Variants in DISC1 observed in about 807,000 individuals in gnomAD.
The protein encoded by DISC1 is DISC1 scaffold protein, also known as disrupted in schizophrenia 1 protein.
Under a neutral mutation model 84.5 loss-of-function variants are expected in DISC1, and 57 were observed. That is an observed-to-expected ratio of 0.67 (90% CI 0.55 to 0.84). DISC1 has a LOEUF of 0.84. Among genes scored for constraint, DISC1 ranks in the 40% least tolerant of loss-of-function variants. The pLI, the probability that DISC1 is intolerant of heterozygous loss-of-function variation, is 0.00. For synonymous variants in DISC1, 411 were observed against 415.2 expected, an observed-to-expected ratio of 0.99 and a Z score of 0.12; for missense variants, 1,000 against 1,057.8, an observed-to-expected ratio of 0.95 and a Z score of 0.76.
intron 1 of DISC1, among the ~76,000 whole-genome samples, chr1:231,671,981 C>A (rs2062670470): frequency 1.3e-5 from 2 of 152,208 alleles, no homozygotes; most frequent in South Asian, 4.1e-4. Context: ...TCACTTTGCT[C>A]ATTTCAGTGG....
chr1:231,864,821 G>A (rs2084939285), intron 9 of DISC1, among the ~76,000 whole-genome samples: 1 of 152,110 alleles, frequency 6.6e-6, no homozygotes, highest in Admixed American at 6.5e-5. Flanking sequence ...TTTTATTTTT[G>A]TTTTGATATA....
intron 9 of DISC1, among the ~76,000 whole-genome samples, chr1:231,881,729 T>A (rs555138149): frequency 6.6e-6 from 1 of 151,810 alleles, no homozygotes; most frequent in South Asian, 2.1e-4. Flanking sequence ...ATTTCGTGTC[T>A]CATTCTGGAA....
chr1:232,004,861 C>T (rs2102980573), intron 10 of DISC1, among the ~76,000 whole-genome samples: 1 of 109,886 alleles, frequency 9.1e-6, no homozygotes, highest in Admixed American at 7.9e-5. Flanking sequence ...CCCTCCCTCC[C>T]TCCCTGCCTC....
chr1:232,020,299 G>A (rs1446761498), intron 11 of DISC1, among the ~76,000 whole-genome samples: 3 of 152,052 alleles, frequency 2.0e-5, no homozygotes, highest in Non-Finnish European at 4.4e-5. Context: ...CCGAGATCAC[G>A]CCATTGCACT....
intron 10 of DISC1, among the ~76,000 whole-genome samples, chr1:232,002,168 C>T (rs777779029): frequency 1.5e-4 from 23 of 151,940 alleles, no homozygotes; most frequent in South Asian, 1.5e-3. Flanking sequence ...ATTGAAGCTG[C>T]AATGAGATAA....
At chr1:231,803,985 CT>C (rs1282032737) in intron 8 of DISC1, among the ~76,000 whole-genome samples, 2 of 135,548 alleles carry the variant, frequency 1.5e-5, no homozygotes, top group South Asian at 2.6e-4. Context: ...GCCACAGTGT[CT>C]TGTTAGGACT....
chr1:231,666,393 T>G (rs539198713), intron 1 of DISC1, among the ~76,000 whole-genome samples: 2 of 150,856 alleles, frequency 1.3e-5, no homozygotes, highest in East Asian at 3.9e-4. Flanking sequence ...GAGAGACAGA[T>G]GGAATTCTGA....
chr1:231,938,164 G>A lies in DISC1; in HGVS notation c.1982-20664G>A, dbSNP rs778366499. Among the ~76,000 whole-genome samples the A allele has an allele frequency of 3.3e-5, 5 of 152,102 alleles. No individual in the cohort carries two copies. In the East Asian group the frequency reaches 5.8e-4, roughly 18 times the overall value. ...GTCCATGCCCTTATCCCCAGAACCCGGTGAAGATGGATGTTACAAGGCTAA... is the reference window on the plus strand; with the variant it reads ...GTCCATGCCCTTATCCCCAGAACCCAGTGAAGATGGATGTTACAAGGCTAA... On this transcript the variant is annotated intron_variant, in intron 9 of 12. Transcript: ENST00000439617.
chr1:231,901,988 T>C (rs554629312), intron 9 of DISC1, among the ~76,000 whole-genome samples: 1 of 152,260 alleles, frequency 6.6e-6, no homozygotes, highest in African/African-American at 2.4e-5. Flanking sequence ...CCACGTTTCA[T>C]GGGATACCAG....
intron 9 of DISC1, among the ~76,000 whole-genome samples, chr1:231,832,535 T>C (rs1368627525): frequency 6.6e-6 from 1 of 151,796 alleles, no homozygotes; most frequent in Non-Finnish European, 1.5e-5. Context: ...AGGATGAAAT[T>C]TGGACTTGAC....
At chr1:231,750,305 C>A in intron 4 of DISC1, 1 of 1,348,284 alleles carries the variant, frequency 7.4e-7, no homozygotes. Flanking sequence ...AGAGAGAGAA[C>A]CTTCTCAAGT....
intron 10 of DISC1, among the ~76,000 whole-genome samples, chr1:231,961,476 T>G (rs1660373617): frequency 1.3e-5 from 2 of 152,210 alleles, no homozygotes; most frequent in South Asian, 4.1e-4. Flanking sequence ...GTATGATTGA[T>G]CCTGTCACTC....
At chr1:231,743,701 CAGTAACTTCTGA>C (rs1430772003) in intron 3 of DISC1, among the ~76,000 whole-genome samples, 7 of 152,230 alleles carry the variant, frequency 4.6e-5, no homozygotes, top group African/African-American at 1.7e-4. Flanking sequence ...TTAGCTTCTG[CAGTAACTTCTGA>C]AGAAGGTGGC....
intron 11 of DISC1, among the ~76,000 whole-genome samples, chr1:232,023,533 C>T (rs369469820): frequency 3.9e-5 from 6 of 152,044 alleles, no homozygotes; most frequent in African/African-American, 4.8e-5. Context: ...CAATTTAAAG[C>T]GCTTGTTATG....
At chr1:231,774,925 G>A (rs1429845395) in intron 6 of DISC1, 1 of 366,136 alleles carries the variant, frequency 2.7e-6, no homozygotes, top group Non-Finnish European at 5.4e-6. Context: ...CTGACTTAGG[G>A]ATAATATCCA....
At chr1:231,841,864 C>T (rs890860372) in intron 9 of DISC1, among the ~76,000 whole-genome samples, 2 of 152,144 alleles carry the variant, frequency 1.3e-5, no homozygotes, top group East Asian at 3.8e-4. Context: ...TCCTTAGACA[C>T]ACACACAAAA....
At chr1:231,905,345 G>A (rs1334727255) in intron 9 of DISC1, among the ~76,000 whole-genome samples, 1 of 152,214 alleles carries the variant, frequency 6.6e-6, no homozygotes, top group Non-Finnish European at 1.5e-5. Flanking sequence ...CAGGCTGTAC[G>A]CAGTGGCTCA....
At position 231,693,832 on chromosome 1, in the gene DISC1, G is replaced by A. The variant is rs143922209; in HGVS notation, c.74G>A (p.Arg25Gln). 5.9e-4 allele frequency: 959 copies of A among 1,613,464 alleles called. 3 individuals carry two copies. The highest frequency in any genetic ancestry group is 2.1e-3 in the South Asian group (193 of 91,036). Reference sequence around the variant, plus strand: ...TTTTTTCTTTTCTTCCCAGGCAGCCGGGATTGCTTACCACCTGCAGCGTGC... The same window carrying A: ...TTTTTTCTTTTCTTCCCAGGCAGCCAGGATTGCTTACCACCTGCAGCGTGC... ...GGGVSHRAGSRDCLPPAACFR... is the reference protein window; with the variant it reads ...GGGVSHRAGSQDCLPPAACFR... The change falls in exon 2 of 13, where the codon CGG becomes CAG. Residue 25 changes from arginine to glutamine, a missense_variant. Around this residue, in one of 3 missense-constraint regions of DISC1, gnomAD observed 292 missense variants for 280.2 expected, o/e 1.04. Coordinates refer to ENST00000439617, the MANE Select transcript of DISC1 (RefSeq NM_018662.3).
At position 231,860,062 on chromosome 1, in the gene DISC1, C is replaced by T. The variant is rs117718700; in HGVS notation, c.1981+41545C>T. ...GTGGATTTAGGTAGAGATCTTGTAC[C>T]ACAGAAAATTGGAAATCAAGGGTGA... On this transcript the variant is annotated intron_variant, in intron 9 of 12. Coordinates refer to ENST00000439617, the MANE Select transcript of DISC1 (RefSeq NM_018662.3). Among the ~76,000 whole-genome samples the T allele has an allele frequency of 1.9e-3, 293 of 152,218 alleles. 5 individuals are homozygous for T. Among genetic ancestry groups the T allele is most frequent in the East Asian group, 0.019 (96 of 5,182 alleles).
Sources: allele counts gnomAD v4.1 joint callset (sites outside exome capture counted in the v4.1 genomes callset), GRCh38; gene constraint gnomAD v4.1.1; regional missense constraint gnomAD v4.1.1; transcripts MANE v1.5; gene names NCBI Gene and HGNC (gene_info 2026-07-23, HGNC 2026-07-21).